XPO6: variants seen among roughly 807,000 people sequenced by gnomAD.
The protein encoded by XPO6 is exportin 6.
In XPO6, 3 loss-of-function variants were observed where a neutral mutation model predicts 130.0. The ratio of observed to expected loss-of-function variants is 0.02; its 90% CI spans 0.01 to 0.06. The LOEUF is 0.06. Among genes scored for constraint, XPO6 ranks in the 10% least tolerant of loss-of-function variants. The pLI is 1.00. For synonymous variants in XPO6, 524 were observed against 548.9 expected (o/e 0.95, Z 0.63); for missense variants, 970 against 1,393.0 (o/e 0.70, Z 4.83).
chr16:28,159,982 T>C (rs1228389096), intron 6 of XPO6, among the ~76,000 whole-genome samples: 1 of 151,736 alleles, frequency 6.6e-6, no homozygotes, highest in African/African-American at 2.4e-5. Flanking sequence ...GGTCAGGAAT[T>C]CGAGACAAGC....
chr16:28,101,590 G>A lies in XPO6; in HGVS notation c.3144C>T (p.Ile1048=), dbSNP rs142777032. Residue 1048 remains isoleucine, a synonymous_variant, in exon 23 of 24, where the codon ATC becomes ATT. Transcript: ENST00000304658. This position sits in a 1 kb window ranked among gnomAD's most constrained non-coding sequence, Gnocchi z 5.4. Reference sequence around the variant, plus strand: ...CGACTGAGGCCATGTTGTAGATGGCGATGCCAATCTCCTCCTGCAGAAGAT... The same window carrying A: ...CGACTGAGGCCATGTTGTAGATGGCAATGCCAATCTCCTCCTGCAGAAGAT... ...SHDLLQEEIG[I]AIYNMASVDF... 1.3e-5 allele frequency: 21 copies of A among 1,614,100 alleles called. No homozygotes were observed. The highest frequency in any genetic ancestry group is 6.7e-5 in the Admixed American group (4 of 60,008).
At position 28,141,622 on chromosome 16, in the gene XPO6, A is replaced by G. The variant is rs183712736; in HGVS notation, c.1334+4472T>C. Reference sequence around the variant, plus strand: ...CATTCCACTCTGCAGGAATGGCTACAGAACATTTACCCCATTAACACTGGG... The same window carrying G: ...CATTCCACTCTGCAGGAATGGCTACGGAACATTTACCCCATTAACACTGGG... On this transcript the variant is annotated intron_variant, in intron 9 of 23. Coordinates refer to ENST00000304658, the MANE Select transcript of XPO6 (RefSeq NM_015171.4). Among the ~76,000 whole-genome samples, 441 of 152,342 alleles carry G rather than the reference A, an allele frequency of 2.9e-3. 1 individual carries two copies. Among genetic ancestry groups the G allele is most frequent in the Non-Finnish European group, 4.4e-3 (298 of 68,030 alleles).
intron 1 of XPO6, among the ~76,000 whole-genome samples, chr16:28,204,461 A>G (rs1042801789): frequency 2.0e-5 from 3 of 151,980 alleles, no homozygotes; most frequent in African/African-American, 7.2e-5. Flanking sequence ...GGCCTGGAGC[A>G]GGAACATGCC....
At chr16:28,131,776 T>C (rs575665362) in intron 12 of XPO6, among the ~76,000 whole-genome samples, 1 of 152,330 alleles carries the variant, frequency 6.6e-6, no homozygotes, top group South Asian at 2.1e-4. Flanking sequence ...TAATGAGAGC[T>C]ACAAATGGAA....
chr16:28,164,697 C>T (rs2043329183), intron 6 of XPO6, among the ~76,000 whole-genome samples: 1 of 152,208 alleles, frequency 6.6e-6, no homozygotes, highest in Non-Finnish European at 1.5e-5. Flanking sequence ...AAAACCTAGG[C>T]AACACATGGA....
At chr16:28,156,638 GT>G in intron 6 of XPO6, 111 bp from the exon 7 acceptor site, 2 of 616,024 alleles carry the variant, frequency 3.2e-6, no homozygotes, top group Non-Finnish European at 2.4e-6. Context: ...ATATGTATCA[GT>G]TTAGTTACCT....
At chr16:28,139,098 T>C (rs190868155) in intron 9 of XPO6, among the ~76,000 whole-genome samples, 2 of 152,356 alleles carry the variant, frequency 1.3e-5, no homozygotes, top group East Asian at 3.9e-4. Flanking sequence ...AATGTGTCTG[T>C]ATTTGAAGAC....
chr16:28,114,895 T>C (rs754852769), intron 15 of XPO6, among the ~76,000 whole-genome samples: 9 of 152,332 alleles, frequency 5.9e-5, no homozygotes, highest in Non-Finnish European at 1.2e-4. Context: ...ATTTCAACAA[T>C]GTTCACAGCA....
chr16:28,161,232 T>C (rs2043272605), intron 6 of XPO6, among the ~76,000 whole-genome samples: 1 of 152,226 alleles, frequency 6.6e-6, no homozygotes, highest in East Asian at 1.9e-4. Flanking sequence ...GGAATAAAAA[T>C]GACAAACAAT....
chr16:28,203,126 T>C lies in XPO6; in HGVS notation c.3+8240A>G, dbSNP rs1567652915. 2.0e-5 allele frequency among the ~76,000 whole-genome samples: 3 copies of C among 151,912 alleles called. No individual in the cohort carries two copies. The South Asian group carries it at 6.2e-4, about 32-fold the overall frequency. On this transcript the variant is annotated intron_variant, in intron 1 of 23. Transcript: ENST00000304658. The stretch of plus-strand genomic sequence containing the variant: ...CCTCGTATCTACAAAGAATACAAAA[T>C]TACCCAGGCATGGTGATGCATACGT...
chr16:28,160,301 C>A (rs535694844), intron 6 of XPO6, among the ~76,000 whole-genome samples: 6 of 151,162 alleles, frequency 4.0e-5, no homozygotes, highest in Admixed American at 6.6e-5. Flanking sequence ...GTCAGAAGTT[C>A]CAGACCAGCC....
intron 14 of XPO6, among the ~76,000 whole-genome samples, chr16:28,117,864 A>C (rs1411915499): frequency 6.6e-6 from 1 of 152,224 alleles, no homozygotes; most frequent in Admixed American, 6.5e-5. Flanking sequence ...ACAGCTTTAT[A>C]AACAGAGCTT....
At chr16:28,157,085 A>C (rs1260688211) in intron 6 of XPO6, among the ~76,000 whole-genome samples, 2 of 152,248 alleles carry the variant, frequency 1.3e-5, no homozygotes, top group Non-Finnish European at 2.9e-5. Flanking sequence ...TTGAAATATA[A>C]GAGAGAAAAA....
Position 28,101,544 on chromosome 16 carries a change from C to T in XPO6, c.3190G>A (p.Ala1064Thr), listed in dbSNP as rs1011203981. Reference protein sequence around the residue: ...ASVDFDGFFAAFLPEFLTSCD... With the variant: ...ASVDFDGFFATFLPEFLTSCD... ...CTGGTCAGGAACTCTGGGAGGAAGG[C>T]GGCAAAGAAGCCATCAAAGTCGACT... Residue 1064 changes from alanine (A) to threonine (T), a missense_variant, in exon 23 of 24, where the codon GCC (alanine) becomes ACC (threonine). Transcript: ENST00000304658. The surrounding 1 kb of genome is among the most constrained non-coding windows in gnomAD (Gnocchi z 5.4). 9.9e-6 allele frequency: 16 copies of T among 1,614,250 alleles called. No homozygotes were observed. Among genetic ancestry groups the T allele is most frequent in the Non-Finnish European group, 1.2e-5 (14 of 1,180,046 alleles).
chr16:28,191,015 A>G (rs2043778537), intron 1 of XPO6, among the ~76,000 whole-genome samples: 1 of 152,230 alleles, frequency 6.6e-6, no homozygotes, highest in South Asian at 2.1e-4. Context: ...TTTTGAAATA[A>G]ACAGTTTTTA....
chr16:28,200,987 C>T (rs534634130), intron 1 of XPO6, among the ~76,000 whole-genome samples: 10 of 152,042 alleles, frequency 6.6e-5, no homozygotes, highest in Non-Finnish European at 1.5e-4. Flanking sequence ...CTCTTTCACC[C>T]CCTCACTTCT....
chr16:28,098,516 G>A lies in XPO6; in HGVS notation c.*22C>T, dbSNP rs749386636. On this transcript the variant is annotated 3_prime_UTR_variant, in exon 24 of 24. Coordinates refer to ENST00000304658, the MANE Select transcript of XPO6 (RefSeq NM_015171.4). ...GCGCAGGTGGCAGCAGCAGAAGTCC[G>A]TGTCCCCAGGCAGTAGCAGGCCTAG... 7.5e-6 allele frequency: 12 copies of A among 1,593,430 alleles called. No individual in the cohort carries two copies. The highest frequency in any genetic ancestry group is 5.1e-5 in the Admixed American group (3 of 58,808).
At chr16:28,130,905 G>C (rs562113737) in intron 12 of XPO6, among the ~76,000 whole-genome samples, 8 of 152,238 alleles carry the variant, frequency 5.3e-5, no homozygotes, top group Non-Finnish European at 4.4e-5. Flanking sequence ...GACACTGAAG[G>C]GTCAGTGTGG....
In XPO6 at chr16:28,121,695, C is replaced by T. The variant is rs1300858886; in HGVS notation, c.1834G>A (p.Val612Ile). The T allele has an allele frequency of 6.2e-7, 1 of 1,613,866 alleles. No homozygotes were observed. The highest frequency in any genetic ancestry group is 1.1e-5 in the South Asian group (1 of 91,082). The change falls in exon 14 of 24, where the codon GTA (valine) becomes ATA (isoleucine). Residue 612 changes from valine to isoleucine, a missense_variant. By Grantham distance (29) the Val-to-Ile change is conservative. Around this residue, in one of 4 missense-constraint regions of XPO6, gnomAD observed 936 missense variants for 1,306.8 expected, o/e 0.72. Transcript: ENST00000304658. Reference sequence around the variant, plus strand: ...ACATCAATGAGGTCAGGTTTCAATACTGATGGCACAGCAGTTTCAATGTTG... The same window carrying T: ...ACATCAATGAGGTCAGGTTTCAATATTGATGGCACAGCAGTTTCAATGTTG... ...LYNIETAVPSVLKPDLIDVHA... is the reference protein window; with the variant it reads ...LYNIETAVPSILKPDLIDVHA...
Sources: allele counts gnomAD v4.1 joint callset (sites outside exome capture counted in the v4.1 genomes callset), GRCh38; gene constraint gnomAD v4.1.1; regional missense constraint gnomAD v4.1.1; non-coding constraint Gnocchi (gnomAD v3.1); transcripts MANE v1.5; gene names NCBI Gene and HGNC (gene_info 2026-07-23, HGNC 2026-07-21).